The following ANKS1B variants were observed in gnomAD, a reference collection of about 807,000 sequenced individuals.
The protein encoded by ANKS1B is ankyrin repeat and sterile alpha motif domain-containing protein 1B.
In ANKS1B, 36 loss-of-function variants were observed where a neutral mutation model predicts 148.3. The ratio of observed to expected loss-of-function variants is 0.24; its 90% confidence interval spans 0.19 to 0.32. The LOEUF (loss-of-function observed/expected upper bound fraction) is 0.32. Ranked by LOEUF, ANKS1B falls within the 10% of genes least tolerant of loss-of-function variation. The probability of loss-of-function intolerance (pLI) is 1.00; values close to 1 mark genes in which losing one functional copy is unlikely to be tolerated. For missense variants in ANKS1B, 1,157 were observed against 1,542.6 expected (o/e 0.75, Z 4.19); for synonymous variants, 542 against 560.8 (o/e 0.97, Z 0.47).
At chr12:99,870,409 A>C (rs1249161615) in intron 1 of ANKS1B, among the ~76,000 whole-genome samples, 1 of 152,192 alleles carries the variant, frequency 6.6e-6, no homozygotes, top group Non-Finnish European at 1.5e-5. Context: ...ATATGATTGC[A>C]TGTTCTTTTT....
At chr12:99,536,777 C>G (rs1490837210) in intron 9 of ANKS1B, among the ~76,000 whole-genome samples, 2 of 152,128 alleles carry the variant, frequency 1.3e-5, no homozygotes, top group Non-Finnish European at 2.9e-5. Flanking sequence ...TCCAATCACA[C>G]TCTTTATTTT....
intron 10 of ANKS1B, among the ~76,000 whole-genome samples, chr12:99,503,238 A>C (rs1463687891): frequency 6.6e-6 from 1 of 152,226 alleles, no homozygotes; most frequent in Non-Finnish European, 1.5e-5. Context: ...TAGTGCTAAG[A>C]ATATAGGCAT....
chr12:99,806,131 A>G (rs1445881505), intron 4 of ANKS1B, among the ~76,000 whole-genome samples: 3 of 152,180 alleles, frequency 2.0e-5, no homozygotes, highest in South Asian at 4.1e-4. Flanking sequence ...AGATATTGGG[A>G]CAAAGGAAAC....
At chr12:99,819,282 A>T (rs2082225517) in intron 2 of ANKS1B, among the ~76,000 whole-genome samples, 1 of 151,898 alleles carries the variant, frequency 6.6e-6, no homozygotes, top group Non-Finnish European at 1.5e-5. Flanking sequence ...TCTAGATTAC[A>T]GAGTGAATAA....
At chr12:99,186,033 T>A (rs2079796677) in intron 14 of ANKS1B, among the ~76,000 whole-genome samples, 2 of 152,190 alleles carry the variant, frequency 1.3e-5, no homozygotes, top group African/African-American at 4.8e-5. Context: ...GAAGTCAACC[T>A]GGGATGCTCC....
chr12:99,548,096 C>A (rs1348032653), intron 9 of ANKS1B, among the ~76,000 whole-genome samples: 2 of 152,140 alleles, frequency 1.3e-5, no homozygotes, highest in Non-Finnish European at 2.9e-5. Context: ...CATTACAGAA[C>A]AATATTGAAT....
At chr12:99,546,307 T>A (rs1255227252) in intron 9 of ANKS1B, among the ~76,000 whole-genome samples, 1 of 152,178 alleles carries the variant, frequency 6.6e-6, no homozygotes, top group African/African-American at 2.4e-5. Context: ...AAGGGCTAAC[T>A]TAAGAAAGAC....
In ANKS1B at chr12:99,560,975, T is replaced by G. The variant is rs375633381; in HGVS notation, c.1273-56334A>C. Among the ~76,000 whole-genome samples, 61 of 151,098 alleles carry G rather than the reference T, an allele frequency of 4.0e-4. 1 individual carries two copies. In the South Asian group the frequency reaches 0.013, roughly 31 times the overall value. On this transcript the variant is annotated intron_variant, in intron 9 of 26. Coordinates refer to ENST00000683438, the MANE Select transcript of ANKS1B (RefSeq NM_001352186.2). Reference sequence around the variant, plus strand: ...CATTCTCCTGCCTCAGCCTCCTGAGTAGCTGGGACTACAGGCGCCTGCCAC... The same window carrying G: ...CATTCTCCTGCCTCAGCCTCCTGAGGAGCTGGGACTACAGGCGCCTGCCAC...
intron 1 of ANKS1B, among the ~76,000 whole-genome samples, chr12:99,877,481 T>C (rs529635719): frequency 6.6e-6 from 1 of 152,328 alleles, no homozygotes; most frequent in Middle Eastern, 3.4e-3. Flanking sequence ...CCTCCAAATC[T>C]AGGAAACATA....
chr12:99,540,369 T>C (rs1009173224), intron 9 of ANKS1B, among the ~76,000 whole-genome samples: 1 of 152,124 alleles, frequency 6.6e-6, no homozygotes. Flanking sequence ...GCGTTCTTCT[T>C]AAGTACACGT....
chr12:99,066,261 C>T (rs2044284908), intron 16 of ANKS1B, among the ~76,000 whole-genome samples: 1 of 152,034 alleles, frequency 6.6e-6, no homozygotes, highest in Non-Finnish European at 1.5e-5. Flanking sequence ...GCAGAGGATG[C>T]AGTGTGTTGA....
Position 98,825,806 on chromosome 12 carries a change from A to G in ANKS1B, c.3066+3368T>C, listed in dbSNP as rs557497673. On this transcript the variant is annotated intron_variant, in intron 19 of 26. Coordinates refer to ENST00000683438, the MANE Select transcript of ANKS1B (RefSeq NM_001352186.2). ...TGCAATTAGGTCCTAAATACTGAAAATATTTTCCTCCTTCTGATATATTTT... is the reference window on the plus strand; with the variant it reads ...TGCAATTAGGTCCTAAATACTGAAAGTATTTTCCTCCTTCTGATATATTTT... 1.4e-3 allele frequency among the ~76,000 whole-genome samples: 213 copies of G among 152,284 alleles called. 1 individual carries two copies. Among genetic ancestry groups the G allele is most frequent in the Non-Finnish European group, 2.0e-3 (139 of 68,012 alleles).
At chr12:99,512,669 A>T (rs2153034492) in intron 9 of ANKS1B, among the ~76,000 whole-genome samples, 1 of 152,312 alleles carries the variant, frequency 6.6e-6, no homozygotes, top group East Asian at 1.9e-4. Flanking sequence ...CACCAATGAT[A>T]GACTGGATAA....
chr12:99,339,066 TGG>T (rs1051659421), intron 12 of ANKS1B, among the ~76,000 whole-genome samples: 8 of 152,130 alleles, frequency 5.3e-5, no homozygotes, highest in Non-Finnish European at 1.5e-5. Flanking sequence ...CCAAGTCCAA[TGG>T]CTTGGAACCA....
intron 12 of ANKS1B, among the ~76,000 whole-genome samples, chr12:99,252,386 T>A (rs1566740353): frequency 6.6e-6 from 1 of 152,214 alleles, no homozygotes; most frequent in African/African-American, 2.4e-5. Flanking sequence ...ATAGTGTTCT[T>A]TTTAAATTAT....
intron 14 of ANKS1B, among the ~76,000 whole-genome samples, chr12:99,230,974 T>C (rs1472577110): frequency 1.3e-5 from 2 of 152,156 alleles, no homozygotes; most frequent in South Asian, 2.1e-4. Flanking sequence ...AAAATAGTAC[T>C]GTAAAAAGAA....
At chr12:99,149,860 G>A (rs1178964615) in intron 15 of ANKS1B, among the ~76,000 whole-genome samples, 1 of 152,116 alleles carries the variant, frequency 6.6e-6, no homozygotes, top group Non-Finnish European at 1.5e-5. Flanking sequence ...AAATACATAT[G>A]TTGAGCGATG....
chr12:99,963,554 T>C (rs1390920402), intron 1 of ANKS1B, among the ~76,000 whole-genome samples: 3 of 152,234 alleles, frequency 2.0e-5, no homozygotes, highest in Non-Finnish European at 4.4e-5. Context: ...CAATGAATTA[T>C]TTCTGCAATA....
At chr12:99,234,882 G>GA (rs1327278528) in intron 14 of ANKS1B, among the ~76,000 whole-genome samples, 3 of 152,128 alleles carry the variant, frequency 2.0e-5, no homozygotes, top group South Asian at 2.1e-4. Context: ...CCTTGAGAGG[G>GA]AAAAAACTGC....
Sources: gnomAD v4.1 joint callset for allele counts (sites outside exome capture counted in the v4.1 genomes callset) on GRCh38, gnomAD v4.1.1 for gene constraint, MANE v1.5 for transcripts, NCBI Gene and HGNC (gene_info 2026-07-23, HGNC 2026-07-21) for gene names.